The following FAT3 variants were observed in gnomAD, a reference collection of about 807,000 sequenced individuals.
FAT3 encodes the protein protocadherin Fat 3.
Under a neutral mutation model 310.2 loss-of-function variants are expected in FAT3, and 95 were observed. That is an observed-to-expected ratio of 0.31 (90% CI 0.26 to 0.36). The LOEUF (loss-of-function observed/expected upper bound fraction) is 0.36. Ranked by LOEUF, FAT3 falls within the 10% of genes least tolerant of loss-of-function variation. The pLI is 1.00. For synonymous variants in FAT3, 2,314 were observed against 2,192.9 expected, an observed-to-expected ratio of 1.06 and a Z score of -1.54; for missense variants, 5,408 against 5,715.6, an observed-to-expected ratio of 0.95 and a Z score of 1.74.
At chr11:92,695,570 TAAAC>T (rs1565519192) in intron 3 of FAT3, among the ~76,000 whole-genome samples, 2 of 152,062 alleles carry the variant, frequency 1.3e-5, no homozygotes, top group South Asian at 4.1e-4. Context: ...AATACCCTCC[TAAAC>T]AAACACATTC....
chr11:92,575,021 C>A (rs1938399624), intron 3 of FAT3, among the ~76,000 whole-genome samples: 1 of 152,142 alleles, frequency 6.6e-6, no homozygotes, highest in Non-Finnish European at 1.5e-5. Context: ...AAGCTCTCAG[C>A]CACACAAAAC....
intron 14 of FAT3, among the ~76,000 whole-genome samples, chr11:92,833,551 C>T (rs1435877214): frequency 1.3e-5 from 2 of 152,168 alleles, no homozygotes; most frequent in Admixed American, 1.3e-4. Flanking sequence ...ATCTTTCTGA[C>T]TCTAGAATGC....
chr11:92,761,861 T>G lies in FAT3; in HGVS notation c.3675T>G (p.Thr1225=), dbSNP rs780789968. The change falls in exon 5 of 28, where the codon ACT becomes ACG. Residue 1225 remains threonine (T), a synonymous_variant. Transcript: ENST00000525166. ...EQQAEHFLEV[T]VTDGGPSPKQ... is the part of the protein sequence containing the mutation. ...CATCATACTCTCTTTTTCAGGTGAC[T>G]GTGACAGATGGTGGTCCCTCTCCAA... 11 of 1,612,868 alleles carry G rather than the reference T, an allele frequency of 6.8e-6. No homozygotes were observed. The Admixed American group carries it at 1.8e-4, about 27-fold the overall frequency.
Position 92,623,759 on chromosome 11 carries a change from T to C in FAT3, c.3608-73625T>C, listed in dbSNP as rs902219995. On this transcript the variant is annotated intron_variant, in intron 3 of 27. Transcript: ENST00000525166. ...GAGATCGAGACCATCCTGGCTAACA[T>C]GGTGAAACCCCGTCTCTACTAAAAA... Among the ~76,000 whole-genome samples the C allele has an allele frequency of 2.6e-5, 4 of 152,178 alleles. No homozygotes were observed. In the South Asian group the frequency reaches 6.2e-4, roughly 24 times the overall value.
At chr11:92,236,397 TG>T (rs1274630387) in intron 1 of FAT3, among the ~76,000 whole-genome samples, 1 of 152,190 alleles carries the variant, frequency 6.6e-6, no homozygotes, top group Admixed American at 6.5e-5. Flanking sequence ...CCTTTTTTTT[TG>T]TTCAATTACA....
chr11:92,250,324 G>C, intron 1 of FAT3, among the ~76,000 whole-genome samples: 1 of 152,032 alleles, frequency 6.6e-6, no homozygotes, highest in East Asian at 1.9e-4. Context: ...ACACAAACTG[G>C]TATATGAACA....
intron 2 of FAT3, among the ~76,000 whole-genome samples, chr11:92,363,642 G>T (rs1278738364): frequency 6.6e-6 from 1 of 152,072 alleles, no homozygotes; most frequent in African/African-American, 2.4e-5. Context: ...TTTTTGAGAT[G>T]ATATTTTTAC....
intron 7 of FAT3, among the ~76,000 whole-genome samples, chr11:92,787,697 C>A (rs1946929637): frequency 6.7e-6 from 1 of 149,466 alleles, no homozygotes; most frequent in South Asian, 2.1e-4. Flanking sequence ...GATATAAATA[C>A]ATAATTATAA....
intron 2 of FAT3, among the ~76,000 whole-genome samples, chr11:92,360,806 G>T (rs563397155): frequency 1.3e-5 from 2 of 152,162 alleles, no homozygotes; most frequent in Non-Finnish European, 2.9e-5. Context: ...GGTACTATTT[G>T]TAATTGTCAC....
chr11:92,698,229 T>A (rs1270841274), intron 4 of FAT3, among the ~76,000 whole-genome samples: 2 of 152,086 alleles, frequency 1.3e-5, no homozygotes, highest in Non-Finnish European at 2.9e-5. Flanking sequence ...CTTTCTGGAA[T>A]CCACTACCCC....
Position 92,799,171 on chromosome 11 carries a change from T to C in FAT3, c.6158T>C (p.Val2053Ala), listed in dbSNP as rs1406684899. Residue 2053 changes from valine (V) to alanine (A), a missense_variant, in exon 10 of 28, where the codon GTG becomes GCG. By Grantham distance (64) the Val-to-Ala change is moderately conservative (BLOSUM62 0). Around this residue, in one of 5 missense-constraint regions of FAT3, gnomAD observed 4,588 missense variants for 4,809.8 expected, o/e 0.95. Transcript: ENST00000525166. ...DREEQELYEL[V>A]VEASRELDHL... ...GAAGAACAAGAGTTATATGAGCTGG[T>C]GGTAGAAGCCAGCCGTGAGCTGGAC... 3 of 1,613,784 alleles carry C rather than the reference T, an allele frequency of 1.9e-6. No homozygotes were observed. Among genetic ancestry groups the C allele is most frequent in the Middle Eastern group, 3.3e-4 (2 of 6,084 alleles).
intron 3 of FAT3, among the ~76,000 whole-genome samples, chr11:92,649,655 A>G (rs1341931927): frequency 6.6e-6 from 1 of 152,064 alleles, no homozygotes; most frequent in African/African-American, 2.4e-5. Context: ...ACTGTGGGCT[A>G]CACACATCGC....
chr11:92,335,947 C>A, intron 1 of FAT3: 1 of 350,540 alleles, frequency 2.9e-6, no homozygotes, highest in South Asian at 2.5e-5. Context: ...ATTTTTTTTT[C>A]AGACTTTCAG....
intron 1 of FAT3, among the ~76,000 whole-genome samples, chr11:92,255,333 T>G (rs892552661): frequency 6.4e-5 from 9 of 140,726 alleles, no homozygotes; most frequent in Non-Finnish European, 1.4e-4. Context: ...TATTTTAGGG[T>G]TTTTTTTTAA....
intron 3 of FAT3, among the ~76,000 whole-genome samples, chr11:92,567,044 A>C (rs1385168001): frequency 1.3e-5 from 2 of 152,192 alleles, no homozygotes; most frequent in African/African-American, 2.4e-5. Context: ...AATGGGATCT[A>C]ATTAAACTAA....
chr11:92,442,963 T>C (rs1951111483), intron 2 of FAT3, among the ~76,000 whole-genome samples: 1 of 152,222 alleles, frequency 6.6e-6, no homozygotes, highest in African/African-American at 2.4e-5. Context: ...GCATGATATA[T>C]GTAAACCCCT....
At chr11:92,629,778 T>A (rs1941485708) in intron 3 of FAT3, among the ~76,000 whole-genome samples, 1 of 152,134 alleles carries the variant, frequency 6.6e-6, no homozygotes. Flanking sequence ...CTTCCCACCA[T>A]CATCTAAATC....
intron 3 of FAT3, among the ~76,000 whole-genome samples, chr11:92,555,806 C>G (rs1009409288): frequency 7.2e-5 from 11 of 152,210 alleles, no homozygotes; most frequent in Non-Finnish European, 1.3e-4. Context: ...GAAAAACACA[C>G]AAACACACAT....
chr11:92,712,041 C>T (rs1944540565), intron 4 of FAT3, among the ~76,000 whole-genome samples: 1 of 152,152 alleles, frequency 6.6e-6, no homozygotes, highest in Non-Finnish European at 1.5e-5. Context: ...CAAATGTGGG[C>T]ATGCAAGCGA....
Sources: allele counts gnomAD v4.1 joint callset (sites outside exome capture counted in the v4.1 genomes callset), GRCh38; gene constraint gnomAD v4.1.1; regional missense constraint gnomAD v4.1.1; transcripts MANE v1.5; gene names NCBI Gene and HGNC (gene_info 2026-07-23, HGNC 2026-07-21).